WFDC5: variants seen among roughly 807,000 people sequenced by gnomAD.
WFDC5 encodes WAP four-disulfide core domain protein 5.
A neutral mutation model predicts 15.7 loss-of-function variants in WFDC5; 15 were observed. The ratio of observed to expected loss-of-function variants is 0.96; its 90% CI spans 0.64 to 1.47. WFDC5 has a LOEUF of 1.47. Among genes scored for constraint, WFDC5 ranks in the 40% most tolerant of loss-of-function variants. WFDC5 has a pLI of 0.00. For synonymous variants in WFDC5, 109 were observed against 107.7 expected (o/e 1.01, Z -0.07); for missense variants, 280 against 258.0 (o/e 1.09, Z -0.59).
At chr20:45,110,853 A>G in intron 1 of WFDC5, 78 bp from the exon 2 acceptor site, 1 of 1,573,376 alleles carries the variant, frequency 6.4e-7, no homozygotes, top group Non-Finnish European at 8.6e-7. Context: ...GAATGACAAG[A>G]CTGAATTCTC....
intron 1 of WFDC5, among the ~76,000 whole-genome samples, chr20:45,113,243 C>T (rs762882297): frequency 1.2e-4 from 19 of 152,182 alleles, no homozygotes; most frequent in Non-Finnish European, 2.5e-4. Flanking sequence ...TAAACAGAGG[C>T]GGCTGGGCTT....
intron 1 of WFDC5, 39 bp downstream of exon 1, chr20:45,114,960 C>A (rs746587682): frequency 1.2e-6 from 2 of 1,603,098 alleles, no homozygotes; most frequent in Admixed American, 1.7e-5. Flanking sequence ...GAAGTAGAGA[C>A]AATCTGGTCC....
At chr20:45,111,175 C>T (rs1278884405) in intron 1 of WFDC5, among the ~76,000 whole-genome samples, 8 of 152,214 alleles carry the variant, frequency 5.3e-5, no homozygotes, top group Admixed American at 3.9e-4. Context: ...TTGCCTAGTG[C>T]ACTTCTCCTG....
chr20:45,114,605 G>A (rs960057807), intron 1 of WFDC5, among the ~76,000 whole-genome samples: 2 of 151,806 alleles, frequency 1.3e-5, no homozygotes, highest in African/African-American at 2.4e-5. Context: ...AGACACATGC[G>A]TGCAGCCATT....
intron 3 of WFDC5, 83 bp from the exon 4 acceptor site, chr20:45,110,096 C>A (rs969147777): frequency 9.1e-6 from 14 of 1,544,016 alleles, no homozygotes; most frequent in Admixed American, 3.7e-5. Context: ...CATGCCCCAC[C>A]AGCTCAGCTC....
At chr20:45,110,592 C>T (rs144706801) in intron 2 of WFDC5, 43 bp downstream of exon 2, 63 of 1,614,056 alleles carry the variant, frequency 3.9e-5, no homozygotes, top group Middle Eastern at 3.3e-4. Context: ...GGCCCTGAAG[C>T]TTGGGGCTTG....
rs565591454 is a variant in WFDC5, at chr20:45,112,037, C to G, written c.86-1262G>C. Among the ~76,000 whole-genome samples the G allele has an allele frequency of 7.2e-4, 110 of 152,308 alleles. 1 individual carries two copies. The highest frequency in any genetic ancestry group is 6.5e-3 in the Admixed American group (100 of 15,304). On this transcript the variant is annotated intron_variant, in intron 1 of 3. Transcript: ENST00000307971. ...GCTGGCTGCACACATAAGTAGGCAC[C>G]TTGCTCACATCCTACGTGCGCTAAG... is the stretch of plus-strand genomic sequence containing the variant.
intron 1 of WFDC5, 120 bp downstream of exon 1, chr20:45,114,879 G>GCA (rs916010178): frequency 1.4e-3 from 1,173 of 861,986 alleles, no homozygotes; most frequent in Non-Finnish European, 1.7e-3. Context: ...ACGCACGCAC[G>GCA]CACACACACA....
intron 1 of WFDC5, among the ~76,000 whole-genome samples, chr20:45,114,421 C>T (rs999565456): frequency 3.3e-5 from 5 of 152,020 alleles, no homozygotes; most frequent in Non-Finnish European, 7.4e-5. Flanking sequence ...GACAGAGCTT[C>T]CTCCCCACAA....
chr20:45,113,867 T>C lies in WFDC5; in HGVS notation c.85+1132A>G, dbSNP rs978185670. On this transcript the variant is annotated intron_variant, in intron 1 of 3. Coordinates refer to ENST00000307971, the Ensembl canonical transcript of WFDC5. ...ATCTGGCCTTGTCTAAGTCATTCTCTGGTCTCTCAGCTCCTTCCTATGTTG... is the reference window on the plus strand; with the variant it reads ...ATCTGGCCTTGTCTAAGTCATTCTCCGGTCTCTCAGCTCCTTCCTATGTTG... Among the ~76,000 whole-genome samples, 5 of 152,188 alleles carry C rather than the reference T, an allele frequency of 3.3e-5. No homozygotes were observed. In the East Asian group the frequency reaches 9.6e-4, roughly 29 times the overall value.
chr20:45,110,571 C>T (rs1349149090), intron 2 of WFDC5, 31 bp from the exon 3 acceptor site: 1 of 1,614,108 alleles, frequency 6.2e-7, no homozygotes, highest in African/African-American at 1.3e-5. Flanking sequence ...TGAGCTCCGT[C>T]CTTGCCCACT....
At chr20:45,111,081 A>G (rs1334961142) in intron 1 of WFDC5, among the ~76,000 whole-genome samples, 1 of 152,170 alleles carries the variant, frequency 6.6e-6, no homozygotes, top group Non-Finnish European at 1.5e-5. Flanking sequence ...CTCTAGCCCC[A>G]TCCTCTACTG....
At chr20:45,109,957 T>G in exon 4 of WFDC5, 1 of 1,614,062 alleles carries the variant, frequency 6.2e-7, no homozygotes, top group Non-Finnish European at 8.5e-7. Flanking sequence ...CATCGTGAAC[T>G]CTTTCCGTTG....
chr20:45,114,714 C>T (rs1401572114), intron 1 of WFDC5, among the ~76,000 whole-genome samples: 5 of 152,110 alleles, frequency 3.3e-5, no homozygotes, highest in Admixed American at 1.3e-4. Flanking sequence ...GCCCTGCCAC[C>T]CCCTGACATA....
chr20:45,110,367 G>T, intron 3 of WFDC5, 33 bp downstream of exon 3: 10 of 1,572,372 alleles, frequency 6.4e-6, no homozygotes, highest in Non-Finnish European at 8.6e-6. Flanking sequence ...TCGGAGAGGG[G>T]AGGCACCTGC....
chr20:45,110,681 C>T (rs760609159), exon 2 of WFDC5: 1 of 1,614,062 alleles, frequency 6.2e-7, no homozygotes, highest in Non-Finnish European at 8.5e-7. Flanking sequence ...TGTAGCAGCA[C>T]TTCCTGGTCA....
exon 3 of WFDC5, chr20:45,110,404 G>C: frequency 6.2e-7 from 1 of 1,602,166 alleles, no homozygotes; most frequent in African/African-American, 1.3e-5. Context: ...CCGTACCTCT[G>C]GCAGGATCCC....
In WFDC5 at chr20:45,114,725, T is replaced by C. The variant is rs1307466419; in HGVS notation, c.85+274A>G. The stretch of plus-strand genomic sequence containing the variant: ...CCCCGCCCTGCCACCCCCTGACATA[T>C]AGACAGGCACAGACAAGCACCGAGA... On this transcript the variant is annotated intron_variant, in intron 1 of 3. Transcript: ENST00000307971. 2.0e-5 allele frequency among the ~76,000 whole-genome samples: 3 copies of C among 150,906 alleles called. No homozygotes were observed. The East Asian group carries it at 5.9e-4, about 30-fold the overall frequency.
intron 1 of WFDC5, among the ~76,000 whole-genome samples, chr20:45,111,269 A>G (rs1981609765): frequency 6.7e-6 from 1 of 148,858 alleles, no homozygotes; most frequent in African/African-American, 2.6e-5. Flanking sequence ...CCCCACATTA[A>G]CTAGGTCAGC....
Sources: allele counts gnomAD v4.1 joint callset (sites outside exome capture counted in the v4.1 genomes callset), GRCh38; gene constraint gnomAD v4.1.1; transcripts MANE v1.5; gene names NCBI Gene and HGNC (gene_info 2026-07-23, HGNC 2026-07-21).